Variants in DPP6 observed in about 807,000 individuals in gnomAD.
DPP6 encodes A-type potassium channel modulatory protein DPP6.
DPP6 carries 69 observed loss-of-function variants against 122.6 expected under a neutral mutation model. That is an observed-to-expected ratio of 0.56 (90% CI 0.46 to 0.69). The LOEUF (loss-of-function observed/expected upper bound fraction) is 0.69. Ranked by LOEUF, DPP6 falls within the 30% of genes least tolerant of loss-of-function variation. The pLI is 0.00. For synonymous variants in DPP6, 418 were observed against 433.1 expected (o/e 0.97, Z 0.43); for missense variants, 928 against 1,116.9 (o/e 0.83, Z 2.41).
intron 1 of DPP6, among the ~76,000 whole-genome samples, chr7:154,291,805 G>A (rs1280425732): frequency 6.6e-6 from 1 of 152,212 alleles, no homozygotes; most frequent in Non-Finnish European, 1.5e-5. Context: ...ACAGAGGTGA[G>A]TTACTGACCA....
chr7:154,444,957 T>C (rs1450002413), intron 1 of DPP6, among the ~76,000 whole-genome samples: 1 of 152,238 alleles, frequency 6.6e-6, no homozygotes, highest in Non-Finnish European at 1.5e-5. Flanking sequence ...TGAAGACTTG[T>C]AGAAATTCTA....
intron 3 of DPP6, among the ~76,000 whole-genome samples, chr7:154,507,497 T>G (rs745497933): frequency 2.0e-5 from 3 of 152,076 alleles, no homozygotes; most frequent in Non-Finnish European, 4.4e-5. Context: ...CAAAGTGAGA[T>G]GGAAAATACA....
chr7:154,061,667 T>TC lies in DPP6; in HGVS notation c.243+8611dup, dbSNP rs1281584428. On this transcript the variant is annotated intron_variant, in intron 1 of 25. Transcript: ENST00000377770. ...GCGGGGACTCAGAGCCAACCCCTCTTCCCCCCCTGGCTCTTGGGACCACCA... is the reference window on the plus strand; with the variant it reads ...GCGGGGACTCAGAGCCAACCCCTCTTCCCCCCCCTGGCTCTTGGGACCACCA... Among the ~76,000 whole-genome samples the TC allele has an allele frequency of 6.7e-5, 9 of 134,808 alleles. No homozygotes were observed. The South Asian group carries it at 1.2e-3, about 18-fold the overall frequency. 88.4% of individuals were successfully genotyped at this position (134,808 alleles called of 152,430 possible). A position where few individuals can be genotyped will look rare whatever the true frequency, so the allele number is the denominator to read the frequency against.
intron 1 of DPP6, among the ~76,000 whole-genome samples, chr7:154,331,582 T>C (rs1808945350): frequency 6.6e-6 from 1 of 152,152 alleles, no homozygotes; most frequent in African/African-American, 2.4e-5. Context: ...TGCTGTTGGA[T>C]CAAGAAGATG....
At chr7:154,484,621 G>C (rs550546231) in intron 3 of DPP6, among the ~76,000 whole-genome samples, 1 of 152,268 alleles carries the variant, frequency 6.6e-6, no homozygotes, top group South Asian at 2.1e-4. Context: ...CCTCCTCCCC[G>C]CCCCCTGCAG....
the DPP6 span, among the ~76,000 whole-genome samples, chr7:153,809,744 A>G: frequency 6.6e-6 from 1 of 151,210 alleles, no homozygotes; most frequent in African/African-American, 2.4e-5. Context: ...TGCTGAGGGT[A>G]TGTATGAGCT....
At chr7:153,844,016 G>C in the DPP6 span, among the ~76,000 whole-genome samples, 1 of 152,158 alleles carries the variant, frequency 6.6e-6, no homozygotes, top group African/African-American at 2.4e-5. Flanking sequence ...CTCTCCACAA[G>C]GGTCGCATTC....
intron 1 of DPP6, among the ~76,000 whole-genome samples, chr7:154,125,456 T>C (rs749706748): frequency 6.6e-6 from 1 of 152,160 alleles, no homozygotes; most frequent in African/African-American, 2.4e-5. Flanking sequence ...CATAATGAAA[T>C]GATGTGTAAG....
intron 1 of DPP6, among the ~76,000 whole-genome samples, chr7:154,386,447 G>A (rs546993390): frequency 6.6e-6 from 1 of 152,154 alleles, no homozygotes; most frequent in East Asian, 1.9e-4. Context: ...GTGCAAGAGG[G>A]GGCATTCCTT....
In DPP6 at chr7:154,259,682, T is replaced by A. The variant is rs545968055; in HGVS notation, c.244-186532T>A. On this transcript the variant is annotated intron_variant, in intron 1 of 25. Transcript: ENST00000377770. ...GTGTTTTTTAATGTTTGGGTGTAAA[T>A]CAAGTCTGTAGCACAGACTGAGGGA... is the stretch of plus-strand genomic sequence containing the variant. Among the ~76,000 whole-genome samples, 8 of 152,302 alleles carry A rather than the reference T, an allele frequency of 5.3e-5. No individual in the cohort carries two copies. The South Asian group carries it at 8.3e-4, about 16-fold the overall frequency.
At chr7:154,764,721 G>C (rs532703318) in intron 8 of DPP6, among the ~76,000 whole-genome samples, 1 of 152,222 alleles carries the variant, frequency 6.6e-6, no homozygotes, top group Non-Finnish European at 1.5e-5. Flanking sequence ...CACTTTCCCC[G>C]AGTTGCAAGT....
At chr7:154,443,246 C>A (rs1051506799) in intron 1 of DPP6, among the ~76,000 whole-genome samples, 1 of 152,306 alleles carries the variant, frequency 6.6e-6, no homozygotes, top group East Asian at 1.9e-4. Flanking sequence ...CTCTCTGATG[C>A]AAACAGCTCC....
intron 1 of DPP6, among the ~76,000 whole-genome samples, chr7:153,902,765 A>G (rs1055904998): frequency 6.6e-6 from 1 of 151,952 alleles, no homozygotes; most frequent in African/African-American, 2.4e-5. Flanking sequence ...GAACCTGGGA[A>G]GGGGAGGTTG....
chr7:154,659,451 T>A (rs989830521), intron 6 of DPP6, among the ~76,000 whole-genome samples: 1 of 152,258 alleles, frequency 6.6e-6, no homozygotes, highest in Admixed American at 6.5e-5. Context: ...TATTGCATGG[T>A]CAAATTATTT....
intron 7 of DPP6, among the ~76,000 whole-genome samples, chr7:154,671,490 A>G (rs1838549779): frequency 6.6e-6 from 1 of 151,656 alleles, no homozygotes; most frequent in East Asian, 1.9e-4. Flanking sequence ...AGCGGCTGTA[A>G]CTCAGTGTGT....
At chr7:154,191,239 T>TACAAACAAAA (rs1324997888) in intron 1 of DPP6, among the ~76,000 whole-genome samples, 3 of 152,240 alleles carry the variant, frequency 2.0e-5, no homozygotes, top group African/African-American at 7.2e-5. Context: ...TTGTAAGATT[T>TACAAACAAAA]ATAAACGATT....
chr7:153,992,277 G>A (rs1340038074), intron 1 of DPP6, among the ~76,000 whole-genome samples: 2 of 152,174 alleles, frequency 1.3e-5, no homozygotes, highest in African/African-American at 4.8e-5. Context: ...CCACTTAAAT[G>A]TCCTATCACA....
At chr7:154,074,717 A>G (rs1223826057) in intron 1 of DPP6, among the ~76,000 whole-genome samples, 3 of 152,230 alleles carry the variant, frequency 2.0e-5, no homozygotes, top group Non-Finnish European at 4.4e-5. Flanking sequence ...GTGAAGCTTT[A>G]TAGCCACAGC....
chr7:153,860,851 C>T, the DPP6 span, among the ~76,000 whole-genome samples: 3 of 152,166 alleles, frequency 2.0e-5, no homozygotes, highest in East Asian at 5.8e-4. Flanking sequence ...TATATTTTAA[C>T]CTTTGTCATA....
Sources: allele counts gnomAD v4.1 joint callset (sites outside exome capture counted in the v4.1 genomes callset), GRCh38; gene constraint gnomAD v4.1.1; transcripts MANE v1.5; gene names NCBI Gene and HGNC (gene_info 2026-07-23, HGNC 2026-07-21).